Variants in CPD observed in about 807,000 individuals in gnomAD.
CPD encodes the protein metallocarboxypeptidase D.
Under a neutral mutation model 138.3 loss-of-function variants are expected in CPD, and 69 were observed. That is an observed-to-expected ratio of 0.50 (90% confidence interval 0.41 to 0.61). CPD has a LOEUF of 0.61. CPD is among the 20% of genes least tolerant of loss of function. The probability of loss-of-function intolerance (pLI) is 0.00; values close to 1 mark genes in which losing one functional copy is unlikely to be tolerated. For missense variants in CPD, 1,432 were observed against 1,733.3 expected (o/e 0.83, Z 3.09); for synonymous variants, 651 against 642.1 (o/e 1.01, Z -0.21).
chr17:30,406,542 A>G (rs1911804370), intron 2 of CPD, among the ~76,000 whole-genome samples: 1 of 152,130 alleles, frequency 6.6e-6, no homozygotes, highest in South Asian at 2.1e-4. Context: ...TGATTAGGTA[A>G]CACTCTAAAA....
intron 2 of CPD, among the ~76,000 whole-genome samples, chr17:30,402,607 G>A (rs1270469420): frequency 1.3e-5 from 2 of 152,170 alleles, no homozygotes; most frequent in African/African-American, 2.4e-5. Flanking sequence ...TTAATTCCTT[G>A]TAACATGGTT....
chr17:30,438,929 T>G, intron 8 of CPD, 46 bp from the exon 9 acceptor site: 6 of 1,160,812 alleles, frequency 5.2e-6, no homozygotes, highest in Non-Finnish European at 7.4e-6. Context: ...TTTTTTTTGA[T>G]GGAGATACAA....
chr17:30,383,674 T>C (rs1874598790), intron 1 of CPD, among the ~76,000 whole-genome samples: 1 of 152,226 alleles, frequency 6.6e-6, no homozygotes. Flanking sequence ...TGATCTTCTC[T>C]GGGATAATAC....
intron 7 of CPD, 67 bp downstream of exon 7, chr17:30,427,625 T>C: frequency 7.0e-7 from 1 of 1,419,806 alleles, no homozygotes; most frequent in East Asian, 2.3e-5. Flanking sequence ...GGTGGAATTT[T>C]ATCTGTTTGT....
chr17:30,397,737 CAA>C (rs71138885), intron 2 of CPD, among the ~76,000 whole-genome samples: 20 of 31,874 alleles, frequency 6.3e-4, no homozygotes, highest in African/African-American at 1.5e-3. Flanking sequence ...ACTCCTGTCT[CAA>C]AAAAAAAAAA....
At chr17:30,455,912 A>G (rs1913280613) in intron 15 of CPD, 1 of 294,366 alleles carries the variant, frequency 3.4e-6, no homozygotes, top group African/African-American at 2.2e-5. Context: ...GGGTCGCAGT[A>G]TATGGAGATA....
In CPD at chr17:30,455,397, C is replaced by T. The variant is rs1913267112; in HGVS notation, c.3264C>T (p.Asp1088=). The T allele has an allele frequency of 6.2e-7, 1 of 1,613,644 alleles. No homozygotes were observed. The highest frequency in any genetic ancestry group is 8.5e-7 in the Non-Finnish European group (1 of 1,179,838). Residue 1088 remains aspartate (D), a synonymous_variant, in exon 15 of 21, where the codon GAC becomes GAT. Transcript: ENST00000225719. ...AIIENLIQKQ[D]FSLSVALDGG... is the part of the protein sequence containing the mutation. ...TTGAAAATTTGATTCAAAAACAGGACTTTAGTCTTTCTGTTGCCTTAGATG... is the reference window on the plus strand; with the variant it reads ...TTGAAAATTTGATTCAAAAACAGGATTTTAGTCTTTCTGTTGCCTTAGATG...
At chr17:30,389,586 G>A (rs1157914986) in intron 2 of CPD, among the ~76,000 whole-genome samples, 1 of 152,170 alleles carries the variant, frequency 6.6e-6, no homozygotes, top group Non-Finnish European at 1.5e-5. Context: ...AGGTTAGAAA[G>A]TAATTTCTAA....
chr17:30,394,353 T>C (rs1204223326), intron 2 of CPD, among the ~76,000 whole-genome samples: 1 of 152,090 alleles, frequency 6.6e-6, no homozygotes, highest in Non-Finnish European at 1.5e-5. Context: ...TAGGCTATCC[T>C]CTGTCTGAAG....
At chr17:30,411,819 G>A (rs769388540) in intron 2 of CPD, among the ~76,000 whole-genome samples, 100 of 152,202 alleles carry the variant, frequency 6.6e-4, no homozygotes, top group Middle Eastern at 3.4e-3. Flanking sequence ...TCTTTAGCTC[G>A]GAGAAGTTTG....
At chr17:30,433,921 C>T (rs9913237) in intron 8 of CPD, among the ~76,000 whole-genome samples, 1 of 151,964 alleles carries the variant, frequency 6.6e-6, no homozygotes, top group Non-Finnish European at 1.5e-5. Flanking sequence ...TCTGCCTCCT[C>T]GAATCTTGTG....
chr17:30,461,701 G>T (rs1401895639), intron 18 of CPD, among the ~76,000 whole-genome samples, 176 bp from the exon 19 acceptor site: 1 of 152,142 alleles, frequency 6.6e-6, no homozygotes, highest in East Asian at 1.9e-4. Flanking sequence ...AGCAAACAAG[G>T]TCAGAGTCAG....
At chr17:30,411,846 G>C (rs560201310) in intron 2 of CPD, among the ~76,000 whole-genome samples, 41 of 152,250 alleles carry the variant, frequency 2.7e-4, no homozygotes, top group African/African-American at 9.4e-4. Context: ...CCAACCTTCG[G>C]AAGCCTACTT....
At chr17:30,397,620 C>A (rs1446854549) in intron 2 of CPD, among the ~76,000 whole-genome samples, 1 of 151,130 alleles carries the variant, frequency 6.6e-6, no homozygotes, top group Non-Finnish European at 1.5e-5. Context: ...CATCTGCAGT[C>A]CAGTCTACTC....
At chr17:30,409,384 G>A (rs1234502783) in intron 2 of CPD, among the ~76,000 whole-genome samples, 1 of 152,174 alleles carries the variant, frequency 6.6e-6, no homozygotes. Flanking sequence ...AAATGAGTTA[G>A]GGAGGATTCC....
intron 2 of CPD, among the ~76,000 whole-genome samples, chr17:30,412,919 G>T (rs1380077572): frequency 2.6e-5 from 4 of 152,116 alleles, no homozygotes. Flanking sequence ...AGATGAACCA[G>T]GTATCTCAGT....
chr17:30,384,569 G>A (rs1159474413), intron 1 of CPD, among the ~76,000 whole-genome samples: 1 of 152,132 alleles, frequency 6.6e-6, no homozygotes, highest in Non-Finnish European at 1.5e-5. Context: ...GGGAGGCCTG[G>A]CAACATGGCG....
intron 2 of CPD, among the ~76,000 whole-genome samples, chr17:30,409,735 T>A (rs536436789): frequency 5.7e-4 from 64 of 111,522 alleles, no homozygotes; most frequent in African/African-American, 2.1e-3. Context: ...TCTATTTGAT[T>A]CTTCTCTCTT....
intron 2 of CPD, among the ~76,000 whole-genome samples, chr17:30,411,581 T>G (rs1329888004): frequency 3.3e-5 from 5 of 152,300 alleles, no homozygotes; most frequent in African/African-American, 9.6e-5. Context: ...TTCTCTAATC[T>G]TGTCTTCTCG....
Sources: gnomAD v4.1 joint callset for allele counts (sites outside exome capture counted in the v4.1 genomes callset) on GRCh38, gnomAD v4.1.1 for gene constraint, MANE v1.5 for transcripts, NCBI Gene and HGNC (gene_info 2026-07-23, HGNC 2026-07-21) for gene names.